The following FRMD3 variants were observed in gnomAD, a reference collection of about 807,000 sequenced individuals.
FRMD3 encodes the protein FERM domain-containing protein 3.
FRMD3 carries 33 observed loss-of-function variants against 70.2 expected under a neutral mutation model. That is an observed-to-expected ratio of 0.47 (90% CI 0.36 to 0.63). The LOEUF (loss-of-function observed/expected upper bound fraction) is 0.63, where lower values mean the gene tolerates loss of function less well. FRMD3 is among the 20% of genes least tolerant of loss of function. The pLI is 0.00. For synonymous variants in FRMD3, 279 were observed against 255.9 expected, an observed-to-expected ratio of 1.09 and a Z score of -0.86; for missense variants, 632 against 711.4, an observed-to-expected ratio of 0.89 and a Z score of 1.27.
At chr9:83,447,150 A>C (rs937876745) in intron 1 of FRMD3, among the ~76,000 whole-genome samples, 6 of 152,098 alleles carry the variant, frequency 3.9e-5, no homozygotes, top group Non-Finnish European at 7.4e-5. Context: ...CAGCCTCCCG[A>C]GTAGCTGGGA....
rs539303353 is a variant in FRMD3 at position 83,322,937 on chromosome 9, G to C, written c.597-9190C>G. On this transcript the variant is annotated intron_variant, in intron 6 of 13. Transcript: ENST00000304195. ...AAGGAGGCACATACTCCTATATCTA[G>C]TCAGCTATGTTCTATGCTATCAGTA... 3.9e-5 allele frequency among the ~76,000 whole-genome samples: 6 copies of C among 152,258 alleles called. No homozygotes were observed. The South Asian group carries it at 1.0e-3, about 26-fold the overall frequency.
intron 1 of FRMD3, among the ~76,000 whole-genome samples, chr9:83,527,742 A>G (rs1274271728): frequency 6.6e-6 from 1 of 152,104 alleles, no homozygotes; most frequent in African/African-American, 2.4e-5. Context: ...CCAGGGCTCA[A>G]TGCTGAACTT....
chr9:83,429,050 T>A (rs1346040807), intron 1 of FRMD3, among the ~76,000 whole-genome samples: 3 of 152,180 alleles, frequency 2.0e-5, no homozygotes, highest in African/African-American at 7.2e-5. Flanking sequence ...ATTAAAATAA[T>A]CTCTATTGAA....
intron 2 of FRMD3, among the ~76,000 whole-genome samples, chr9:83,385,927 G>A (rs1825499150): frequency 6.6e-6 from 1 of 152,042 alleles, no homozygotes; most frequent in Non-Finnish European, 1.5e-5. Context: ...AGGTTTTAGA[G>A]GTACTAATCA....
Position 83,434,890 on chromosome 9 carries a change from G to A in FRMD3, c.148-45182C>T, listed in dbSNP as rs566695569. ...CACCCAGGCTGGAGTGCAGTGGCACGATCTCGGCTCACTGCAGCCTCTGCC... is the reference window on the plus strand; with the variant it reads ...CACCCAGGCTGGAGTGCAGTGGCACAATCTCGGCTCACTGCAGCCTCTGCC... On this transcript the variant is annotated intron_variant, in intron 1 of 13. Coordinates refer to ENST00000304195, the MANE Select transcript of FRMD3 (RefSeq NM_174938.6). 4.3e-3 allele frequency among the ~76,000 whole-genome samples: 559 copies of A among 130,394 alleles called. 4 individuals carry two copies. Among genetic ancestry groups the A allele is most frequent in the African/African-American group, 0.016 (542 of 34,568 alleles). 85.5% of individuals were successfully genotyped at this position (130,394 alleles called of 152,430 possible).
upstream of FRMD3, among the ~76,000 whole-genome samples, chr9:83,540,073 A>G (rs1829981190): frequency 6.6e-6 from 1 of 152,190 alleles, no homozygotes. Context: ...ACACCTGTTC[A>G]TCCCACAGGT....
At chr9:83,287,591 C>A (rs1213224383) in intron 13 of FRMD3, among the ~76,000 whole-genome samples, 2 of 152,206 alleles carry the variant, frequency 1.3e-5, no homozygotes, top group Admixed American at 1.3e-4. Context: ...TTCTACCTCA[C>A]CTTCACCATC....
intron 1 of FRMD3, among the ~76,000 whole-genome samples, chr9:83,476,015 T>C (rs1828387624): frequency 6.6e-6 from 1 of 152,164 alleles, no homozygotes; most frequent in Non-Finnish European, 1.5e-5. Flanking sequence ...GCAAATGCAA[T>C]ATACATCTAT....
chr9:83,467,477 A>G (rs919625237), intron 1 of FRMD3: 2 of 692,892 alleles, frequency 2.9e-6, no homozygotes, highest in Non-Finnish European at 5.1e-6. Context: ...GCTCTACAAA[A>G]GAGACCCTCC....
chr9:83,481,220 T>A (rs567445255), intron 1 of FRMD3, among the ~76,000 whole-genome samples: 1 of 152,326 alleles, frequency 6.6e-6, no homozygotes, highest in East Asian at 1.9e-4. Flanking sequence ...GGTTTCTAGA[T>A]GTTTATTACA....
At chr9:83,331,064 A>G (rs182516896) in intron 6 of FRMD3, among the ~76,000 whole-genome samples, 1 of 152,208 alleles carries the variant, frequency 6.6e-6, no homozygotes, top group Admixed American at 6.5e-5. Context: ...AAAACTAAAC[A>G]TACTCTTACC....
At chr9:83,555,307 G>C in the FRMD3 span, among the ~76,000 whole-genome samples, 1 of 151,678 alleles carries the variant, frequency 6.6e-6, no homozygotes. Flanking sequence ...GTTGGCTGGA[G>C]AGCTTGGGTG....
At chr9:83,428,969 A>G (rs1309812528) in intron 1 of FRMD3, among the ~76,000 whole-genome samples, 1 of 152,188 alleles carries the variant, frequency 6.6e-6, no homozygotes, top group Non-Finnish European at 1.5e-5. Flanking sequence ...ACACGCACAC[A>G]CACACACAAC....
chr9:83,304,498 T>C (rs1835048144), intron 10 of FRMD3, among the ~76,000 whole-genome samples: 1 of 152,212 alleles, frequency 6.6e-6, no homozygotes. Flanking sequence ...CATTCAAGTG[T>C]GAGAGGCACT....
At chr9:83,354,817 C>T (rs1021531413) in intron 3 of FRMD3, among the ~76,000 whole-genome samples, 1 of 152,088 alleles carries the variant, frequency 6.6e-6, no homozygotes, top group Non-Finnish European at 1.5e-5. Flanking sequence ...AGACTGCCAC[C>T]TCTGCTCCCT....
At chr9:83,396,261 A>C (rs1284731514) in intron 1 of FRMD3, among the ~76,000 whole-genome samples, 1 of 152,234 alleles carries the variant, frequency 6.6e-6, no homozygotes, top group Non-Finnish European at 1.5e-5. Flanking sequence ...GAATTTGGAC[A>C]CTGGCAGGAA....
chr9:83,480,866 C>T (rs1253637741), intron 1 of FRMD3, among the ~76,000 whole-genome samples: 1 of 152,134 alleles, frequency 6.6e-6, no homozygotes, highest in Admixed American at 6.5e-5. Flanking sequence ...TGAGCATCCT[C>T]GGATTTTGTA....
intron 5 of FRMD3, among the ~76,000 whole-genome samples, chr9:83,342,379 C>A (rs1193130992): frequency 6.6e-6 from 1 of 152,202 alleles, no homozygotes. Context: ...TTCTAATGGG[C>A]CTGCGCTACC....
chr9:83,355,975 C>T (rs992641401), intron 3 of FRMD3, among the ~76,000 whole-genome samples: 2 of 152,154 alleles, frequency 1.3e-5, no homozygotes, highest in South Asian at 2.1e-4. Context: ...AGTGTCTCCT[C>T]GGGGCAGCTC....
Sources: gnomAD v4.1 joint callset for allele counts (sites outside exome capture counted in the v4.1 genomes callset) on GRCh38, gnomAD v4.1.1 for gene constraint, MANE v1.5 for transcripts, NCBI Gene and HGNC (gene_info 2026-07-23, HGNC 2026-07-21) for gene names.